ATP6V0A2: variants seen among roughly 807,000 people sequenced by gnomAD.
ATP6V0A2 encodes ATPase H+ transporting V0 subunit a2.
A neutral mutation model predicts 104.4 loss-of-function variants in ATP6V0A2; 58 were observed. The ratio of observed to expected loss-of-function variants is 0.56; its 90% CI spans 0.45 to 0.69. The LOEUF is 0.69. Ranked by LOEUF, ATP6V0A2 falls within the 30% of genes least tolerant of loss-of-function variation. The pLI is 0.00. For missense variants in ATP6V0A2, 938 were observed against 1,062.9 expected, an observed-to-expected ratio of 0.88 and a Z score of 1.63; for synonymous variants, 376 against 397.9, an observed-to-expected ratio of 0.95 and a Z score of 0.65.
Position 123,712,397 on chromosome 12 carries a change from G to A in ATP6V0A2, c.-169G>A, listed in dbSNP as rs1956300737. The stretch of plus-strand genomic sequence containing the variant: ...TGGCGGCAGCTGGAGCGGCGGCCGC[G>A]GTGGCAGAACCGGGGGCGGCCGCTG... On this transcript the variant is annotated 5_prime_UTR_variant, in exon 1 of 20. Coordinates refer to ENST00000330342, the MANE Select transcript of ATP6V0A2 (RefSeq NM_012463.4). 3 of 373,558 alleles carry A rather than the reference G, an allele frequency of 8.0e-6. No individual in the cohort carries two copies. The highest frequency in any genetic ancestry group is 7.1e-4 in the Middle Eastern group (1 of 1,410). 23.1% of individuals were successfully genotyped at this position (373,558 alleles called of 1,614,324 possible). A position where few individuals can be genotyped will look rare whatever the true frequency, so the allele number is the denominator to read the frequency against.
At chr12:123,728,395 C>CT (rs34247373) in intron 6 of ATP6V0A2, among the ~76,000 whole-genome samples, 63,249 of 124,354 alleles carry the variant, frequency 0.51, 17,001 homozygotes, top group East Asian at 0.9. Flanking sequence ...CCTCACCTGG[C>CT]TTTTTTTTTT....
rs1335369028 is a variant in ATP6V0A2, at chr12:123,758,828, T to A, written c.*796T>A. The A allele has an allele frequency of 2.0e-5, 3 of 152,150 alleles. No individual in the cohort carries two copies. The highest frequency in any genetic ancestry group is 4.4e-5 in the Non-Finnish European group (3 of 68,008). The allele number at this position is 152,150 out of a possible 1,614,324, so 9.4% of individuals were successfully genotyped here. ...TGAGCCACCATGCCTGGCCAAAATA[T>A]GCAAATATTTTTTATCCTGTGCTAC... On this transcript the variant is annotated 3_prime_UTR_variant, in exon 20 of 20. Coordinates refer to ENST00000330342, the MANE Select transcript of ATP6V0A2 (RefSeq NM_012463.4).
intron 16 of ATP6V0A2, 118 bp downstream of exon 16, chr12:123,751,347 C>G: frequency 6.7e-7 from 1 of 1,490,050 alleles, no homozygotes; most frequent in South Asian, 1.1e-5. Context: ...AAAGCCAAAG[C>G]TCCCTTTATT....
At chr12:123,724,060 C>A (rs1301636681) in intron 3 of ATP6V0A2, 2 of 151,904 alleles carry the variant, frequency 1.3e-5, no homozygotes, top group Non-Finnish European at 1.5e-5. Context: ...ACAGAAATTA[C>A]CTGAATTAAT....
At chr12:123,728,063 G>A (rs569228243) in intron 6 of ATP6V0A2, among the ~76,000 whole-genome samples, 154 bp downstream of exon 6, 1 of 152,334 alleles carries the variant, frequency 6.6e-6, no homozygotes, top group East Asian at 1.9e-4. Flanking sequence ...TATAGTTCCT[G>A]AAATCAGGGA....
rs1221882278 is a variant in ATP6V0A2 at position 123,744,576 on chromosome 12, C to T, written c.1327-21C>T. On this transcript the variant is annotated intron_variant, in intron 11 of 19. Transcript: ENST00000330342. The surrounding 1 kb of genome is among the most constrained non-coding windows in gnomAD (Gnocchi z 5.4). ...GACACCCTCCAGTAACCATATTCTG[C>T]CCCCGCCTTGCCCTTCACAGATCAT... 1 of 1,612,228 alleles carries T rather than the reference C, an allele frequency of 6.2e-7. No homozygotes were observed.
rs569689085 is a variant in ATP6V0A2 at position 123,757,038 on chromosome 12, C to A, written c.2465+52C>A. ...TGTTATTTAAAAAACATACCCGCCC[C>A]CCCACTGCCCCGCCCAACCAAATAT... On this transcript the variant is annotated intron_variant, in intron 19 of 19. Coordinates refer to ENST00000330342, the MANE Select transcript of ATP6V0A2 (RefSeq NM_012463.4). 7.0e-5 allele frequency: 112 copies of A among 1,592,400 alleles called. 3 individuals are homozygous for A. The South Asian group carries it at 1.2e-3, about 17-fold the overall frequency.
chr12:123,712,898 T>C (rs959535458), intron 1 of ATP6V0A2, among the ~76,000 whole-genome samples: 2 of 152,130 alleles, frequency 1.3e-5, no homozygotes, highest in African/African-American at 4.8e-5. Flanking sequence ...CGGCGGCTGC[T>C]CTGCCCCAGT....
rs1388336218 is a variant in ATP6V0A2, at chr12:123,730,140, C to T, written c.648+2231C>T. Among the ~76,000 whole-genome samples the T allele has an allele frequency of 5.4e-5, 8 of 148,182 alleles. No individual in the cohort carries two copies. In the East Asian group the frequency reaches 6.0e-4, roughly 11 times the overall value. ...CGCGATCTCGGCTCACTGCAAGCTC[C>T]GCCTCCTGGGTTCACGCCATTCTCC... On this transcript the variant is annotated intron_variant, in intron 6 of 19. Transcript: ENST00000330342.
At chr12:123,737,436 A>T (rs898830869) in intron 9 of ATP6V0A2, 165 bp downstream of exon 9, 101 of 767,114 alleles carry the variant, frequency 1.3e-4, no homozygotes, top group Admixed American at 8.5e-5. Flanking sequence ...TAAAATAGAG[A>T]TGGGGTTTTG....
chr12:123,756,005 C>T (rs557773783), intron 18 of ATP6V0A2, among the ~76,000 whole-genome samples: 3 of 147,754 alleles, frequency 2.0e-5, no homozygotes, highest in Admixed American at 1.4e-4. Context: ...GGTGTGAACC[C>T]GGGAGACAGA....
chr12:123,752,542 C>G (rs1248427456), intron 17 of ATP6V0A2, 140 bp downstream of exon 17: 1 of 1,018,732 alleles, frequency 9.8e-7, no homozygotes, highest in Admixed American at 2.4e-5. Flanking sequence ...TATGAGAAAC[C>G]AGCGCTTTCC....
At chr12:123,757,739 A>C (rs969162461) in intron 19 of ATP6V0A2, among the ~76,000 whole-genome samples, 188 bp from the exon 20 acceptor site, 1 of 152,190 alleles carries the variant, frequency 6.6e-6, no homozygotes. Context: ...TTCTGTTCAC[A>C]CTGGGAAAGC....
At chr12:123,739,963 A>AT (rs58867113) in intron 9 of ATP6V0A2, among the ~76,000 whole-genome samples, 2 of 151,762 alleles carry the variant, frequency 1.3e-5, no homozygotes, top group African/African-American at 4.8e-5. Flanking sequence ...AAGACCAGTG[A>AT]TTTTCAGCCT....
At chr12:123,725,315 G>A (rs1956439169) in intron 4 of ATP6V0A2, among the ~76,000 whole-genome samples, 1 of 152,096 alleles carries the variant, frequency 6.6e-6, no homozygotes, top group African/African-American at 2.4e-5. Context: ...GCCATTTCCT[G>A]TGTTGGTTGT....
Position 123,744,485 on chromosome 12 carries a change from CG to C in ATP6V0A2, c.1327-108del. On this transcript the variant is annotated intron_variant, in intron 11 of 19. Transcript: ENST00000330342. The surrounding 1 kb of genome is among the most constrained non-coding windows in gnomAD (Gnocchi z 5.4). ...CAGCTGCGGCTGACAGGGATGTCTG[CG>C]GGGCGAGGCTGTTTTCTGAGAAGTG... 1.9e-6 allele frequency: 3 copies of C among 1,558,640 alleles called. No homozygotes were observed. Among genetic ancestry groups the C allele is most frequent in the Non-Finnish European group, 2.6e-6 (3 of 1,135,818 alleles).
rs773649126 is a variant in ATP6V0A2 at position 123,747,662 on chromosome 12, T to C, written c.1661T>C (p.Met554Thr). The C allele has an allele frequency of 4.3e-6, 7 of 1,614,022 alleles. No individual in the cohort carries two copies. The highest frequency in any genetic ancestry group is 5.9e-6 in the Non-Finnish European group (7 of 1,179,834). ...TTTCTAAACTCTTTCAAAATGAAAA[T>C]GTCCGTGATTTTAGGAATCATTCAT... ...LTFLNSFKMK[M>T]SVILGIIHMT... Residue 554 changes from methionine to threonine, a missense_variant, in exon 14 of 20, where the codon ATG becomes ACG. By Grantham distance (81) the Met-to-Thr change is moderately conservative. Transcript: ENST00000330342.
intron 2 of ATP6V0A2, among the ~76,000 whole-genome samples, chr12:123,720,154 A>ATT (rs890276352): frequency 1.3e-5 from 2 of 151,696 alleles, no homozygotes; most frequent in Non-Finnish European, 2.9e-5. Flanking sequence ...CACCCGGCCT[A>ATT]TTTTTTTTAA....
Position 123,737,179 on chromosome 12 carries a change from A to G in ATP6V0A2, c.946A>G (p.Ser316Gly), listed in dbSNP as rs1425807271. 6.2e-7 allele frequency: 1 copy of G among 1,614,204 alleles called. No homozygotes were observed. Among genetic ancestry groups the G allele is most frequent in the African/African-American group, 1.3e-5 (1 of 75,036 alleles). Residue 316 changes from serine (S) to glycine (G), a missense_variant, in exon 9 of 20, where the codon AGC (serine) becomes GGC (glycine). By Grantham distance (56) the Ser-to-Gly change is moderately conservative. Coordinates refer to ENST00000330342, the MANE Select transcript of ATP6V0A2 (RefSeq NM_012463.4). ...KAIYHMLNMC[S>G]FDVTNKCLIA... is the part of the protein sequence containing the mutation. ...CATCTATCACATGCTGAACATGTGCAGCTTTGACGTGACCAACAAGTGCCT... is the reference window on the plus strand; with the variant it reads ...CATCTATCACATGCTGAACATGTGCGGCTTTGACGTGACCAACAAGTGCCT...
Sources: allele counts gnomAD v4.1 joint callset (sites outside exome capture counted in the v4.1 genomes callset), GRCh38; gene constraint gnomAD v4.1.1; non-coding constraint Gnocchi (gnomAD v3.1); transcripts MANE v1.5; gene names NCBI Gene and HGNC (gene_info 2026-07-23, HGNC 2026-07-21).